CRYL1: variants seen among roughly 807,000 people sequenced by gnomAD.
CRYL1 encodes the protein crystallin lambda 1.
In CRYL1, 29 loss-of-function variants were observed where a neutral mutation model predicts 36.6. The ratio of observed to expected loss-of-function variants is 0.79; its 90% CI spans 0.59 to 1.08. The LOEUF is 1.08. Ranked by LOEUF, CRYL1 falls within the 50% of genes least tolerant of loss-of-function variation. CRYL1 has a pLI of 0.00. For missense variants in CRYL1, 411 were observed against 407.9 expected (o/e 1.01, Z -0.06); for synonymous variants, 152 against 151.5 (o/e 1.00, Z -0.02).
chr13:20,406,844 G>T (rs751414596), intron 6 of CRYL1, among the ~76,000 whole-genome samples: 1 of 151,510 alleles, frequency 6.6e-6, no homozygotes, highest in African/African-American at 2.4e-5. Flanking sequence ...GCGCCCTCAC[G>T]AGACCCCTCA....
chr13:20,442,684 C>A (rs552685882), intron 3 of CRYL1, among the ~76,000 whole-genome samples: 1 of 152,218 alleles, frequency 6.6e-6, no homozygotes, highest in Admixed American at 6.5e-5. Context: ...AAATGTGAAG[C>A]ACTAGCAAAA....
chr13:20,408,569 G>A (rs115129347), intron 6 of CRYL1, among the ~76,000 whole-genome samples: 2,140 of 152,256 alleles, frequency 0.014, 51 homozygotes, highest in African/African-American at 0.047. Context: ...CTAGGTACCT[G>A]GTTCCAGAGG....
chr13:20,426,778 C>T, intron 5 of CRYL1: 6 of 985,444 alleles, frequency 6.1e-6, no homozygotes, highest in Non-Finnish European at 7.2e-6. Context: ...GCAGACATGT[C>T]TGAAGTAAAG....
chr13:20,472,397 G>A (rs777643226), intron 3 of CRYL1, among the ~76,000 whole-genome samples: 2 of 152,176 alleles, frequency 1.3e-5, no homozygotes, highest in Non-Finnish European at 2.9e-5. Context: ...AATCCACGAT[G>A]CAGAATCTGA....
chr13:20,458,682 C>T (rs563103783), intron 3 of CRYL1, among the ~76,000 whole-genome samples: 2 of 152,298 alleles, frequency 1.3e-5, no homozygotes, highest in East Asian at 3.9e-4. Context: ...CCTGACAACA[C>T]ATCTCAGCTT....
chr13:20,459,177 A>T lies in CRYL1; in HGVS notation c.277-19423T>A, dbSNP rs111227993. Among the ~76,000 whole-genome samples, 1,452 of 148,404 alleles carry T rather than the reference A, an allele frequency of 9.8e-3. 16 individuals are homozygous for T. Among genetic ancestry groups the T allele is most frequent in the African/African-American group, 0.034 (1,367 of 40,502 alleles). On this transcript the variant is annotated intron_variant, in intron 3 of 7. Coordinates refer to ENST00000298248, the MANE Select transcript of CRYL1 (RefSeq NM_015974.3). ...CGTGATCCCGGGAGGCGGAGCTTGC[A>T]GTAAGCCGAGTTCACGCCGCTGTAC...
intron 3 of CRYL1, among the ~76,000 whole-genome samples, chr13:20,471,586 C>G (rs1344352422): frequency 3.8e-4 from 58 of 151,210 alleles, no homozygotes; most frequent in Non-Finnish European, 4.4e-5. Flanking sequence ...GCCTGGGCGA[C>G]AGAGCGAGAC....
At chr13:20,412,361 T>G (rs2031546329) in intron 6 of CRYL1, among the ~76,000 whole-genome samples, 1 of 152,194 alleles carries the variant, frequency 6.6e-6, no homozygotes, top group Non-Finnish European at 1.5e-5. Flanking sequence ...GCCATGGAGC[T>G]GCATACAATA....
At chr13:20,450,475 A>G (rs1054638746) in intron 3 of CRYL1, among the ~76,000 whole-genome samples, 5 of 151,872 alleles carry the variant, frequency 3.3e-5, no homozygotes, top group Admixed American at 6.6e-5. Context: ...AAGACATAAA[A>G]CTATGAGAAT....
At chr13:20,510,457 G>A (rs1234577166) in intron 2 of CRYL1, among the ~76,000 whole-genome samples, 5 of 152,148 alleles carry the variant, frequency 3.3e-5, no homozygotes, top group Admixed American at 6.5e-5. Flanking sequence ...TGTGGAGACC[G>A]TAAAAGGATC....
chr13:20,466,262 T>A (rs2032930458), intron 3 of CRYL1, among the ~76,000 whole-genome samples: 1 of 152,224 alleles, frequency 6.6e-6, no homozygotes, highest in Non-Finnish European at 1.5e-5. Context: ...GATTAGGAAT[T>A]CTTAAACAAG....
chr13:20,418,916 G>C (rs936537162), intron 5 of CRYL1: 1 of 152,296 alleles, frequency 6.6e-6, no homozygotes. Context: ...AGTCACAAAA[G>C]GTTTTATCTT....
chr13:20,424,562 GA>G (rs747696457), intron 5 of CRYL1, among the ~76,000 whole-genome samples: 1 of 152,254 alleles, frequency 6.6e-6, no homozygotes, highest in African/African-American at 2.4e-5. Flanking sequence ...AGAGAGGAAA[GA>G]AAGGCACAGC....
chr13:20,421,227 T>A (rs2031805237), intron 5 of CRYL1, among the ~76,000 whole-genome samples: 1 of 152,004 alleles, frequency 6.6e-6, no homozygotes, highest in African/African-American at 2.4e-5. Flanking sequence ...ATTATAGAGT[T>A]TGAAAGAAAG....
At chr13:20,464,569 C>T (rs529583057) in intron 3 of CRYL1, among the ~76,000 whole-genome samples, 5 of 152,266 alleles carry the variant, frequency 3.3e-5, no homozygotes, top group Admixed American at 1.3e-4. Flanking sequence ...TCTTGGGGAG[C>T]GCTTCACCAG....
intron 3 of CRYL1, among the ~76,000 whole-genome samples, chr13:20,475,865 C>T (rs1049681465): frequency 2.0e-5 from 3 of 152,150 alleles, no homozygotes; most frequent in Non-Finnish European, 2.9e-5. Flanking sequence ...GGCCGCAGGA[C>T]GAGTCCCGGT....
At chr13:20,414,574 C>T (rs1593428545) in intron 5 of CRYL1, among the ~76,000 whole-genome samples, 1 of 152,190 alleles carries the variant, frequency 6.6e-6, no homozygotes, top group East Asian at 1.9e-4. Flanking sequence ...CGGCCTTGTT[C>T]AGCTTTTAAT....
intron 4 of CRYL1, 65 bp downstream of exon 4, chr13:20,439,528 A>AC: frequency 9.8e-7 from 1 of 1,024,984 alleles, no homozygotes; most frequent in Non-Finnish European, 1.3e-6. Flanking sequence ...AAAAAAAAAA[A>AC]AAGAAAAAAA....
chr13:20,423,673 T>C (rs2031868420), intron 5 of CRYL1, among the ~76,000 whole-genome samples: 1 of 151,816 alleles, frequency 6.6e-6, no homozygotes, highest in Non-Finnish European at 1.5e-5. Context: ...TTGCTAGTGT[T>C]TTGTTGAGGA....
Sources: gnomAD v4.1 joint callset for allele counts (sites outside exome capture counted in the v4.1 genomes callset) on GRCh38, gnomAD v4.1.1 for gene constraint, MANE v1.5 for transcripts, NCBI Gene and HGNC (gene_info 2026-07-23, HGNC 2026-07-21) for gene names.